The following SNX5 variants were observed in gnomAD, a reference collection of about 807,000 sequenced individuals.
SNX5 encodes sorting nexin-5.
A neutral mutation model predicts 53.9 loss-of-function variants in SNX5; 31 were observed. The ratio of observed to expected loss-of-function variants is 0.58; its 90% CI spans 0.43 to 0.78. SNX5 has a LOEUF of 0.78. Among genes scored for constraint, SNX5 ranks in the 30% least tolerant of loss-of-function variants. The pLI is 0.00. For synonymous variants in SNX5, 168 were observed against 171.1 expected (o/e 0.98, Z 0.14); for missense variants, 471 against 478.8 (o/e 0.98, Z 0.15).
At chr20:17,945,756 G>A (rs916244963) in intron 11 of SNX5, among the ~76,000 whole-genome samples, 1 of 152,130 alleles carries the variant, frequency 6.6e-6, no homozygotes, top group Admixed American at 6.5e-5. Context: ...TTACAGTTAA[G>A]GCATTGTATT....
intron 1 of SNX5, among the ~76,000 whole-genome samples, chr20:17,958,143 C>G (rs2035393187): frequency 6.6e-6 from 1 of 152,112 alleles, no homozygotes; most frequent in African/African-American, 2.4e-5. Flanking sequence ...ACACAAGGCA[C>G]GAGGAACTCA....
At chr20:17,949,223 T>C in intron 8 of SNX5, 120 bp from the exon 9 acceptor site, 5 of 806,918 alleles carry the variant, frequency 6.2e-6, no homozygotes, top group Non-Finnish European at 8.1e-6. Context: ...ACTTTAGCAT[T>C]AATTTAAAAG....
At chr20:17,951,788 T>C (rs1312675379) in intron 5 of SNX5, among the ~76,000 whole-genome samples, 193 bp from the exon 6 acceptor site, 1 of 152,212 alleles carries the variant, frequency 6.6e-6, no homozygotes, top group Non-Finnish European at 1.5e-5. Flanking sequence ...GTCATCTCAT[T>C]CTAAAAGGCT....
chr20:17,961,904 TTTG>T, intron 1 of SNX5: 1 of 985,238 alleles, frequency 1.0e-6, no homozygotes, highest in Non-Finnish European at 1.2e-6. Context: ...TAGTCCAATA[TTTG>T]TTAAGTGAGA....
intron 11 of SNX5, chr20:17,943,969 T>C (rs1027094916): frequency 2.0e-5 from 3 of 152,276 alleles, no homozygotes; most frequent in Admixed American, 2.0e-4. Flanking sequence ...CATCAGTGGA[T>C]GAAGACAATG....
At chr20:17,953,449 T>G (rs903653662) in intron 4 of SNX5, among the ~76,000 whole-genome samples, 1 of 152,236 alleles carries the variant, frequency 6.6e-6, no homozygotes, top group Non-Finnish European at 1.5e-5. Flanking sequence ...TCTTTCAAAT[T>G]ATCTATGTGA....
rs1424987446 is a variant in SNX5 at position 17,942,375 on chromosome 20, G to A, written c.1197C>T (p.Asp399=). ...NNVSLLQSCI[D]LFKNN ...AGGCATATCAGTTATTCTTGAACAAGTCAATACAGCTCTGCAAAAGGGAGA... is the reference window on the plus strand; with the variant it reads ...AGGCATATCAGTTATTCTTGAACAAATCAATACAGCTCTGCAAAAGGGAGA... The change falls in exon 13 of 13, where the codon GAC becomes GAT. Residue 399 remains aspartate (D), a synonymous_variant. Transcript: ENST00000377759. The A allele has an allele frequency of 6.2e-7, 1 of 1,610,480 alleles. No individual in the cohort carries two copies. The highest frequency in any genetic ancestry group is 8.5e-7 in the Non-Finnish European group (1 of 1,176,908).
intron 9 of SNX5, 34 bp downstream of exon 9, chr20:17,949,030 T>C (rs1461049068): frequency 1.2e-6 from 2 of 1,608,768 alleles, no homozygotes; most frequent in African/African-American, 1.3e-5. Flanking sequence ...GATTATAAAA[T>C]ATATATTATG....
At position 17,943,515 on chromosome 20, in the gene SNX5, G is replaced by A. The variant is rs960894396; in HGVS notation, c.1079-320C>T. 1.1e-5 allele frequency: 3 copies of A among 276,382 alleles called. No individual in the cohort carries two copies. The South Asian group carries it at 1.4e-4, about 13-fold the overall frequency. 17.1% of individuals were successfully genotyped at this position (276,382 alleles called of 1,614,324 possible). The stretch of plus-strand genomic sequence containing the variant: ...TCTAGGTACCAGTGACTGGGAACAG[G>A]GCTGGAGTATGGGTGGTGGTGAGCC... On this transcript the variant is annotated intron_variant, in intron 11 of 12. Coordinates refer to ENST00000377759, the MANE Select transcript of SNX5 (RefSeq NM_014426.4).
intron 1 of SNX5, among the ~76,000 whole-genome samples, chr20:17,965,057 T>C (rs144997529): frequency 4.2e-4 from 64 of 152,344 alleles, no homozygotes; most frequent in African/African-American, 1.2e-3. Context: ...GTTATTTCCT[T>C]AGGCAAGATT....
chr20:17,951,531 C>T lies in SNX5; in HGVS notation c.578G>A (p.Ser193Asn). Residue 193 changes from serine to asparagine, a missense_variant, in exon 6 of 13, where the codon AGT becomes AAT. Physicochemically the swap from Ser to Asn is conservative, Grantham distance 46. Transcript: ENST00000377759. ...TCCAGTAAAAAGGACTTCATCAGCA[C>T]TTTTCACCACACTTTTGAAGAAGCC... is the stretch of plus-strand genomic sequence containing the variant. ...FGGFFKSVVK[S>N]ADEVLFTGVK... The T allele has an allele frequency of 6.2e-7, 1 of 1,612,238 alleles. No individual in the cohort carries two copies. Among genetic ancestry groups the T allele is most frequent in the Non-Finnish European group, 8.5e-7 (1 of 1,179,776 alleles).
At chr20:17,955,523 G>A in intron 2 of SNX5, 48 bp from the exon 3 acceptor site, 2 of 1,315,952 alleles carry the variant, frequency 1.5e-6, no homozygotes. Flanking sequence ...TTTTAGATAA[G>A]TGATCTGGGT....
chr20:17,948,903 A>G lies in SNX5; in HGVS notation c.905T>C (p.Ile302Thr). ...TELLRYYMLN[I>T]EAAKDLLYRR... ...CTCTCTTCCTACCTTAGCAGCTTCA[A>G]TGTTGAGCATGTAGTATCGGAGGAG... Residue 302 changes from isoleucine to threonine, a missense_variant, in exon 10 of 13, where the codon ATT (isoleucine) becomes ACT (threonine). Coordinates refer to ENST00000377759, the MANE Select transcript of SNX5 (RefSeq NM_014426.4). 2 of 1,612,032 alleles carry G rather than the reference A, an allele frequency of 1.2e-6. No homozygotes were observed. Among genetic ancestry groups the G allele is most frequent in the Non-Finnish European group, 1.7e-6 (2 of 1,179,796 alleles).
intron 10 of SNX5, among the ~76,000 whole-genome samples, chr20:17,948,375 GA>G (rs1401515595): frequency 8.5e-5 from 13 of 152,184 alleles, no homozygotes; most frequent in African/African-American, 2.4e-4. Context: ...ATGATGGGGG[GA>G]AAAATTTTTT....
At chr20:17,967,918 C>T (rs2035579877) in intron 1 of SNX5, 1 of 395,038 alleles carries the variant, frequency 2.5e-6, no homozygotes, top group Non-Finnish European at 4.4e-6. Flanking sequence ...TGCAATTTCC[C>T]AAGTTGTTTG....
At chr20:17,955,594 AC>A in intron 2 of SNX5, 119 bp from the exon 3 acceptor site, 2 of 652,132 alleles carry the variant, frequency 3.1e-6, no homozygotes, top group Non-Finnish European at 5.5e-6. Context: ...CCAGTAAAGA[AC>A]AAAGCAGTTA....
chr20:17,955,510 G>C (rs1440277534), intron 2 of SNX5, 35 bp from the exon 3 acceptor site: 2 of 1,463,384 alleles, frequency 1.4e-6, no homozygotes, highest in Non-Finnish European at 1.9e-6. Context: ...TGGTAACCAC[G>C]ACTTTTAGAT....
chr20:17,945,838 T>C (rs1470227727), intron 11 of SNX5, among the ~76,000 whole-genome samples: 2 of 152,186 alleles, frequency 1.3e-5, no homozygotes, highest in Non-Finnish European at 2.9e-5. Context: ...GCTTCAAACA[T>C]GTTGATGAAC....
At chr20:17,958,440 C>G (rs1044747926) in intron 1 of SNX5, among the ~76,000 whole-genome samples, 1 of 152,150 alleles carries the variant, frequency 6.6e-6, no homozygotes, top group Non-Finnish European at 1.5e-5. Context: ...TTCAAGTACT[C>G]CCTTTTTCCT....
Sources: allele counts gnomAD v4.1 joint callset (sites outside exome capture counted in the v4.1 genomes callset), GRCh38; gene constraint gnomAD v4.1.1; transcripts MANE v1.5; gene names NCBI Gene and HGNC (gene_info 2026-07-23, HGNC 2026-07-21).